Variants in ANKRD30BL observed in about 807,000 individuals in gnomAD.
The protein encoded by ANKRD30BL is putative ankyrin repeat domain-containing protein 30B-like.
Under a neutral mutation model 18.4 loss-of-function variants are expected in ANKRD30BL, and 20 were observed. The ratio of observed to expected loss-of-function variants is 1.09; its 90% CI spans 0.77 to 1.58. The LOEUF (loss-of-function observed/expected upper bound fraction) is 1.58, where lower values mean the gene tolerates loss of function less well. Ranked by LOEUF, ANKRD30BL falls within the 40% of genes most tolerant of loss-of-function variation. The probability of loss-of-function intolerance (pLI) is 0.00; values close to 1 mark genes in which losing one functional copy is unlikely to be tolerated. For synonymous variants in ANKRD30BL, 72 were observed against 100.9 expected, an observed-to-expected ratio of 0.71 and a Z score of 1.72; for missense variants, 224 against 268.6, an observed-to-expected ratio of 0.83 and a Z score of 1.16.
intron 1 of ANKRD30BL, among the ~76,000 whole-genome samples, chr2:132,221,365 GGGA>G (rs1679674197): frequency 2.9e-5 from 4 of 139,384 alleles, no homozygotes; most frequent in African/African-American, 1.1e-4. Flanking sequence ...TCCGGGAGGG[GGGA>G]GGGGGGGTCA....
At chr2:132,184,232 C>T (rs1035158796) in intron 1 of ANKRD30BL, among the ~76,000 whole-genome samples, 3 of 152,150 alleles carry the variant, frequency 2.0e-5, no homozygotes, top group African/African-American at 7.2e-5. Flanking sequence ...GCCACCATGC[C>T]TGGCTAATTT....
At chr2:132,236,215 C>A (rs1680147120) in intron 1 of ANKRD30BL, among the ~76,000 whole-genome samples, 1 of 151,956 alleles carries the variant, frequency 6.6e-6, no homozygotes, top group Non-Finnish European at 1.5e-5. Context: ...CTTAAACGTT[C>A]AACCTAAAAC....
intron 1 of ANKRD30BL, among the ~76,000 whole-genome samples, chr2:132,185,195 C>T: frequency 6.6e-6 from 1 of 152,180 alleles, no homozygotes; most frequent in East Asian, 1.9e-4. Context: ...ATCATGAGGT[C>T]TTAATGCTGA....
chr2:132,148,223 T>G lies in ANKRD30BL; in HGVS notation c.685A>C (p.Thr229Pro). The G allele has an allele frequency of 6.2e-7, 1 of 1,603,994 alleles. No homozygotes were observed. Among genetic ancestry groups the G allele is most frequent in the Non-Finnish European group, 8.5e-7 (1 of 1,175,946 alleles). ...GCCTCATCAGGTGTTCCTTCAGATG[T>G]TCCTTCTGCCAAACACAGAGTCTGG... ...KNSQNSNPEG[T>P]SEGTPDEAAP... The change falls in exon 6 of 6, where the codon ACA becomes CCA. Residue 229 changes from threonine (T) to proline (P), a missense_variant. Physicochemically the swap from Thr to Pro is conservative, Grantham distance 38. Coordinates refer to ENST00000409867, the MANE Select transcript of ANKRD30BL (RefSeq NM_001358416.1).
chr2:132,173,232 A>G (rs1183594515), intron 1 of ANKRD30BL, among the ~76,000 whole-genome samples: 1 of 151,746 alleles, frequency 6.6e-6, no homozygotes, highest in African/African-American at 2.4e-5. Flanking sequence ...TAAGGGCCCA[A>G]ACTTTATATT....
At chr2:132,208,029 A>G (rs1461323187) in intron 1 of ANKRD30BL, among the ~76,000 whole-genome samples, 1 of 152,158 alleles carries the variant, frequency 6.6e-6, no homozygotes, top group Non-Finnish European at 1.5e-5. Flanking sequence ...TTTTACTCCA[A>G]AATAAAGTGG....
intron 1 of ANKRD30BL, among the ~76,000 whole-genome samples, chr2:132,216,378 C>A (rs1679498242): frequency 6.6e-6 from 1 of 151,930 alleles, no homozygotes; most frequent in Non-Finnish European, 1.5e-5. Context: ...TAGACAGAAG[C>A]ATCCTGAGAA....
At chr2:132,219,375 C>T (rs1679604633) in intron 1 of ANKRD30BL, among the ~76,000 whole-genome samples, 1 of 151,946 alleles carries the variant, frequency 6.6e-6, no homozygotes, top group African/African-American at 2.4e-5. Context: ...GCATTCAACT[C>T]ACAGATTTGA....
rs181103360 is a variant in ANKRD30BL at position 132,186,592 on chromosome 2, A to C, written n.442-29446T>G. ...CTATAATATTGTTCTCCATGTTCCC[A>C]AAATTAAAAAGTAGTCTAATTCTAC... On this transcript the variant is annotated intron_variant and non_coding_transcript_variant, in intron 1 of 4. Coordinates refer to the ANKRD30BL transcript ENST00000470729. Among the ~76,000 whole-genome samples the C allele has an allele frequency of 7.9e-3, 1,203 of 152,312 alleles. 10 individuals carry two copies. Among genetic ancestry groups the C allele is most frequent in the African/African-American group, 0.027 (1,121 of 41,566 alleles).
intron 1 of ANKRD30BL, among the ~76,000 whole-genome samples, chr2:132,255,754 G>T (rs75157151): frequency 6.6e-6 from 1 of 152,084 alleles, no homozygotes; most frequent in Non-Finnish European, 1.5e-5. Flanking sequence ...CATTTCTCAG[G>T]CTCCTTCTCC....
At position 132,222,323 on chromosome 2, in the gene ANKRD30BL, G is replaced by A. The variant is rs537054460; in HGVS notation, n.441+35206C>T. ...AGCCCCTCTGCCCGGCCATGACCCC[G>A]TCTGGGAGGTGTGCCCAGCGGCTCA... On this transcript the variant is annotated intron_variant and non_coding_transcript_variant, in intron 1 of 4. Transcript: ENST00000470729. Among the ~76,000 whole-genome samples, 364 of 152,232 alleles carry A rather than the reference G, an allele frequency of 2.4e-3. 1 individual carries two copies. The highest frequency in any genetic ancestry group is 7.4e-3 in the African/African-American group (308 of 41,532).
chr2:132,182,121 AT>A (rs1485152507), intron 1 of ANKRD30BL, among the ~76,000 whole-genome samples: 4 of 151,988 alleles, frequency 2.6e-5, no homozygotes, highest in Non-Finnish European at 5.9e-5. Flanking sequence ...CTCAAAAAAA[AT>A]AAAAAATAAA....
At chr2:132,203,213 A>G (rs1384935210) in intron 1 of ANKRD30BL, among the ~76,000 whole-genome samples, 16 of 152,106 alleles carry the variant, frequency 1.1e-4, no homozygotes, top group East Asian at 9.6e-4. Context: ...CCACAAACAC[A>G]CAAGTTCAAG....
chr2:132,198,924 T>C (rs1679036209), intron 1 of ANKRD30BL, among the ~76,000 whole-genome samples: 1 of 152,170 alleles, frequency 6.6e-6, no homozygotes, highest in African/African-American at 2.4e-5. Flanking sequence ...GGCCCAGTCC[T>C]TGTATTTTTA....
intron 1 of ANKRD30BL, among the ~76,000 whole-genome samples, chr2:132,241,212 C>G (rs188391432): frequency 6.6e-6 from 1 of 151,832 alleles, no homozygotes; most frequent in East Asian, 1.9e-4. Context: ...TCAGAAACTT[C>G]TTTGTGATGT....
intron 1 of ANKRD30BL, among the ~76,000 whole-genome samples, chr2:132,247,407 C>T (rs930772673): frequency 6.6e-6 from 1 of 151,402 alleles, no homozygotes; most frequent in African/African-American, 2.4e-5. Context: ...TCCTTTGCTA[C>T]AGCAGTTTTG....
intron 1 of ANKRD30BL, among the ~76,000 whole-genome samples, chr2:132,230,657 C>T (rs1175932687): frequency 6.6e-6 from 1 of 152,008 alleles, no homozygotes; most frequent in Non-Finnish European, 1.5e-5. Flanking sequence ...CACATAAAAA[C>T]TAGACAGAAG....
intron 1 of ANKRD30BL, among the ~76,000 whole-genome samples, chr2:132,198,311 TC>T (rs1558928535): frequency 0.014 from 269 of 18,830 alleles, 6 homozygotes; most frequent in African/African-American, 0.031. Flanking sequence ...TTTCTTTCTT[TC>T]TTTCTTTCTT....
chr2:132,203,220 C>T (rs1346542803), intron 1 of ANKRD30BL, among the ~76,000 whole-genome samples: 1 of 152,298 alleles, frequency 6.6e-6, no homozygotes, highest in South Asian at 2.1e-4. Flanking sequence ...CACACAAGTT[C>T]AAGGAGCTTG....
Sources: allele counts gnomAD v4.1 joint callset (sites outside exome capture counted in the v4.1 genomes callset), GRCh38; gene constraint gnomAD v4.1.1; transcripts MANE v1.5; gene names NCBI Gene and HGNC (gene_info 2026-07-23, HGNC 2026-07-21).